Variants in RIMS1 observed in about 807,000 individuals in gnomAD.
RIMS1 encodes regulating synaptic membrane exocytosis 1.
RIMS1 carries 83 observed loss-of-function variants against 214.1 expected under a neutral mutation model. That is an observed-to-expected ratio of 0.39 (90% CI 0.32 to 0.47). RIMS1 has a LOEUF of 0.47. Ranked by LOEUF, RIMS1 falls within the 20% of genes least tolerant of loss-of-function variation. The probability of loss-of-function intolerance (pLI) is 0.99; values close to 1 mark genes in which losing one functional copy is unlikely to be tolerated. For synonymous variants in RIMS1, 793 were observed against 786.8 expected (o/e 1.01, Z -0.13); for missense variants, 2,050 against 2,161.8 (o/e 0.95, Z 1.03).
chr6:72,384,713 G>A (rs2098554547), intron 29 of RIMS1, among the ~76,000 whole-genome samples: 2 of 152,086 alleles, frequency 1.3e-5, no homozygotes, highest in Non-Finnish European at 2.9e-5. Context: ...AATTGTATCT[G>A]CATGTCAATA....
rs534900413 is a variant in RIMS1, at chr6:72,018,915, A to G, written c.245+49852A>G. 2.0e-5 allele frequency among the ~76,000 whole-genome samples: 3 copies of G among 152,328 alleles called. No individual in the cohort carries two copies. In the South Asian group the frequency reaches 6.2e-4, roughly 32 times the overall value. On this transcript the variant is annotated intron_variant, in intron 2 of 33. Transcript: ENST00000521978. The stretch of plus-strand genomic sequence containing the variant: ...TGCTCAACATTTTAATAGATGTTAG[A>G]AAAGATGCTGAGTTGGAATGCACAA...
In RIMS1 at chr6:72,182,600, A is replaced by T. The variant is rs1239446418; in HGVS notation, c.1129A>T (p.Met377Leu). 1 of 1,548,432 alleles carries T rather than the reference A, an allele frequency of 6.5e-7. No individual in the cohort carries two copies. Among genetic ancestry groups the T allele is most frequent in the Non-Finnish European group, 8.7e-7 (1 of 1,146,918 alleles). Residue 377 changes from methionine to leucine, a missense_variant, in exon 6 of 34, where the codon ATG becomes TTG. By Grantham distance (15) the Met-to-Leu change is conservative. Transcript: ENST00000521978. Reference sequence around the variant, plus strand: ...GCCGCCTGAGGAGCAGCAGATGCGCATGCACGCCCGGGTGTCCCGCGCCAG... The same window carrying T: ...GCCGCCTGAGGAGCAGCAGATGCGCTTGCACGCCCGGGTGTCCCGCGCCAG... ...KPPPEEQQMR[M>L]HARVSRARHE...
intron 6 of RIMS1, among the ~76,000 whole-genome samples, chr6:72,215,543 T>C (rs1199569772): frequency 6.6e-6 from 1 of 152,226 alleles, no homozygotes; most frequent in East Asian, 1.9e-4. Context: ...ATCTCTAATA[T>C]GGGATAAGTG....
intron 6 of RIMS1, chr6:72,217,069 A>C: frequency 6.7e-7 from 1 of 1,489,370 alleles, no homozygotes; most frequent in Non-Finnish European, 8.9e-7. Flanking sequence ...AGGGAATTTT[A>C]TTTAAAATGT....
chr6:71,964,129 A>G (rs1236315925), intron 1 of RIMS1, among the ~76,000 whole-genome samples: 1 of 152,152 alleles, frequency 6.6e-6, no homozygotes, highest in Admixed American at 6.5e-5. Flanking sequence ...TTAGGGTAGG[A>G]ACCATCAAAA....
chr6:72,343,289 G>T (rs2097154808), intron 29 of RIMS1, among the ~76,000 whole-genome samples: 1 of 151,640 alleles, frequency 6.6e-6, no homozygotes, highest in African/African-American at 2.4e-5. Flanking sequence ...ATCTGGTTAA[G>T]TCTAGATTCT....
chr6:72,347,851 G>T (rs139454488), intron 29 of RIMS1, among the ~76,000 whole-genome samples: 2 of 151,928 alleles, frequency 1.3e-5, no homozygotes, highest in African/African-American at 4.8e-5. Context: ...AGTCCTATAA[G>T]ACTTTTAGGG....
At chr6:71,914,992 A>C (rs1352129785) in intron 1 of RIMS1, among the ~76,000 whole-genome samples, 1 of 152,298 alleles carries the variant, frequency 6.6e-6, no homozygotes, top group Admixed American at 6.5e-5. Flanking sequence ...AATGAGTTTA[A>C]GTATAAAAGG....
intron 6 of RIMS1, among the ~76,000 whole-genome samples, chr6:72,187,986 G>T (rs1004635443): frequency 6.6e-6 from 1 of 152,198 alleles, no homozygotes; most frequent in Non-Finnish European, 1.5e-5. Context: ...TGAAGAACTT[G>T]CAGTCAGGTG....
chr6:71,903,465 G>A (rs1212922059), intron 1 of RIMS1, among the ~76,000 whole-genome samples: 5 of 152,014 alleles, frequency 3.3e-5, no homozygotes, highest in African/African-American at 7.2e-5. Flanking sequence ...TGACCAAAAC[G>A]TCAAAAGCAA....
chr6:72,010,444 G>A (rs1192683425), intron 2 of RIMS1, among the ~76,000 whole-genome samples: 2 of 152,100 alleles, frequency 1.3e-5, no homozygotes, highest in African/African-American at 2.4e-5. Flanking sequence ...CTCTCTCACA[G>A]CTCCTATTCA....
intron 6 of RIMS1, among the ~76,000 whole-genome samples, chr6:72,224,473 C>A (rs912118790): frequency 3.9e-5 from 6 of 152,082 alleles, no homozygotes; most frequent in Admixed American, 3.9e-4. Context: ...GTGACAAAGC[C>A]AAGAAACCAG....
intron 6 of RIMS1, among the ~76,000 whole-genome samples, chr6:72,214,974 G>A (rs4623211): frequency 0.53 from 80,591 of 152,022 alleles, 23,208 homozygotes; most frequent in East Asian, 0.83. Context: ...CACCCGCCTC[G>A]GCCTCCCAAA....
intron 2 of RIMS1, 130 bp downstream of exon 2, chr6:71,969,193 G>C: frequency 1.2e-6 from 1 of 856,598 alleles, no homozygotes; most frequent in African/African-American, 1.7e-5. Context: ...AAAGGCTACT[G>C]TTGAATTAGA....
At chr6:72,013,982 A>G (rs1227456114) in intron 2 of RIMS1, among the ~76,000 whole-genome samples, 2 of 152,210 alleles carry the variant, frequency 1.3e-5, no homozygotes, top group Non-Finnish European at 1.5e-5. Flanking sequence ...ATCACACAAT[A>G]TATGGTCTTT....
In RIMS1 at chr6:71,887,011, G is replaced by T. The variant is rs763463323; in HGVS notation, c.-13G>T. The T allele has an allele frequency of 4.3e-6, 7 of 1,610,368 alleles. No individual in the cohort carries two copies. The East Asian group carries it at 1.1e-4, about 26-fold the overall frequency. On this transcript the variant is annotated 5_prime_UTR_variant, in exon 1 of 34. Transcript: ENST00000521978. ...GCCAGAGAGCGAGCAGAGGGGGCGG[G>T]CAGGCCACGAAAATGTCCTCGGCCG...
At chr6:71,927,963 C>T (rs1377260625) in intron 1 of RIMS1, among the ~76,000 whole-genome samples, 1 of 152,074 alleles carries the variant, frequency 6.6e-6, no homozygotes, top group Non-Finnish European at 1.5e-5. Flanking sequence ...TCATATTTTT[C>T]ATAAGCTAGA....
chr6:72,174,644 A>C (rs2153959351), intron 4 of RIMS1, among the ~76,000 whole-genome samples: 1 of 152,322 alleles, frequency 6.6e-6, no homozygotes, highest in South Asian at 2.1e-4. Flanking sequence ...ACTCTGTAGA[A>C]TATTTTGCAG....
intron 1 of RIMS1, among the ~76,000 whole-genome samples, chr6:71,968,415 A>G (rs1000565180): frequency 6.6e-6 from 1 of 151,900 alleles, no homozygotes; most frequent in Non-Finnish European, 1.5e-5. Context: ...TCTTTTACAC[A>G]CACACACACA....
Sources: gnomAD v4.1 joint callset for allele counts (sites outside exome capture counted in the v4.1 genomes callset) on GRCh38, gnomAD v4.1.1 for gene constraint, MANE v1.5 for transcripts, NCBI Gene and HGNC (gene_info 2026-07-23, HGNC 2026-07-21) for gene names.